Variants in ADSS1 observed in about 807,000 individuals in gnomAD.
The protein encoded by ADSS1 is adenylosuccinate synthetase isozyme 1.
ADSS1 carries 57 observed loss-of-function variants against 59.1 expected under a neutral mutation model. That is an observed-to-expected ratio of 0.97 (90% CI 0.78 to 1.20). ADSS1 has a LOEUF of 1.20. Among genes scored for constraint, ADSS1 ranks in the 50% most tolerant of loss-of-function variants. The pLI is 0.00. For missense variants in ADSS1, 603 were observed against 610.3 expected (o/e 0.99, Z 0.13); for synonymous variants, 247 against 249.4 (o/e 0.99, Z 0.09).
At chr14:104,731,396 A>T (rs1890928003) in intron 1 of ADSS1, among the ~76,000 whole-genome samples, 1 of 152,194 alleles carries the variant, frequency 6.6e-6, no homozygotes, top group Non-Finnish European at 1.5e-5. Context: ...ATGGCAGCTC[A>T]CAGCATGTGG....
At chr14:104,734,884 C>T (rs914271212) in intron 1 of ADSS1, 136 bp from the exon 2 acceptor site, 4 of 688,184 alleles carry the variant, frequency 5.8e-6, no homozygotes, top group Non-Finnish European at 1.0e-5. Flanking sequence ...CGCATCAGAG[C>T]TGGCCACCAA....
At position 104,740,502 on chromosome 14, in the gene ADSS1, C is replaced by T; in HGVS notation, c.477-99C>T. ...GCCAGACACAGGCAGCAATGGTGGGCACTGGAGTCATGAGCCGGCGGGGGT... is the reference window on the plus strand; with the variant it reads ...GCCAGACACAGGCAGCAATGGTGGGTACTGGAGTCATGAGCCGGCGGGGGT... On this transcript the variant is annotated intron_variant, in intron 5 of 12. Coordinates refer to ENST00000330877, the MANE Select transcript of ADSS1 (RefSeq NM_152328.5). The surrounding 1 kb of genome is among the most constrained non-coding windows in gnomAD (Gnocchi z 4.8). The T allele has an allele frequency of 9.8e-7, 1 of 1,020,910 alleles. No homozygotes were observed. Among genetic ancestry groups the T allele is most frequent in the South Asian group, 1.4e-5 (1 of 72,242 alleles). 63.2% of individuals were successfully genotyped at this position (1,020,910 alleles called of 1,614,324 possible). A position where few individuals can be genotyped will look rare whatever the true frequency, so the allele number is the denominator to read the frequency against.
chr14:104,739,844 C>T (rs781372625), intron 5 of ADSS1, 28 bp downstream of exon 5: 26 of 1,612,312 alleles, frequency 1.6e-5, no homozygotes, highest in Middle Eastern at 3.3e-4. Flanking sequence ...CTCTCACCCT[C>T]GGGGAGTCTT....
At chr14:104,730,329 A>G (rs1011617408) in intron 1 of ADSS1, 2 of 1,172,216 alleles carry the variant, frequency 1.7e-6, no homozygotes, top group Admixed American at 6.1e-5. Context: ...GTTTCTACTA[A>G]AAATACAAAA....
intron 2 of ADSS1, 66 bp downstream of exon 2, chr14:104,735,188 C>T (rs563386751): frequency 3.5e-5 from 50 of 1,415,160 alleles, no homozygotes; most frequent in Non-Finnish European, 4.8e-5. Context: ...AGGAGCCCCA[C>T]GCATGGGGGC....
intron 1 of ADSS1, among the ~76,000 whole-genome samples, chr14:104,726,125 G>A (rs868103434): frequency 7.9e-5 from 12 of 152,214 alleles, no homozygotes; most frequent in South Asian, 2.1e-4. Context: ...TATAGCCTGA[G>A]GGAGCCCCTG....
chr14:104,735,481 A>C (rs930808972), intron 2 of ADSS1, among the ~76,000 whole-genome samples: 1 of 152,208 alleles, frequency 6.6e-6, no homozygotes, highest in Non-Finnish European at 1.5e-5. Flanking sequence ...CTCCATGTGC[A>C]TACCTGTGAG....
chr14:104,729,264 CAGCCCCCA>C lies in ADSS1; in HGVS notation c.192+4807_192+4814del, dbSNP rs1396828545. ...TGGCAGGTCAAAGGAGGTCAATGGA[CAGCCCCCA>C]AGCCAGGCAGATGGCAGGTGGCATC... On this transcript the variant is annotated intron_variant, in intron 1 of 12. Transcript: ENST00000330877. Among the ~76,000 whole-genome samples the C allele has an allele frequency of 3.3e-5, 5 of 152,258 alleles. No individual in the cohort carries two copies. The South Asian group carries it at 6.2e-4, about 19-fold the overall frequency.
chr14:104,744,704 G>A, intron 10 of ADSS1, 108 bp from the exon 11 acceptor site: 1 of 1,044,262 alleles, frequency 9.6e-7, no homozygotes. Context: ...CCCAGGGACT[G>A]GGGACCCCTG....
At chr14:104,744,236 T>TC (rs1466583962) in intron 10 of ADSS1, 1 of 152,896 alleles carries the variant, frequency 6.5e-6, no homozygotes, top group African/African-American at 2.4e-5. Flanking sequence ...GGAGCAGGGG[T>TC]CCCGGGGGGC....
At chr14:104,726,646 T>C (rs1416305617) in intron 1 of ADSS1, among the ~76,000 whole-genome samples, 1 of 152,122 alleles carries the variant, frequency 6.6e-6, no homozygotes, top group East Asian at 1.9e-4. Flanking sequence ...TTACTTGGAG[T>C]GTGGATGCCT....
intron 1 of ADSS1, among the ~76,000 whole-genome samples, chr14:104,727,846 G>A (rs1030345758): frequency 6.6e-6 from 1 of 152,204 alleles, no homozygotes. Context: ...GCGCGCCCTG[G>A]TCAGGGTTTA....
chr14:104,746,554 G>T (rs898139663), intron 12 of ADSS1, among the ~76,000 whole-genome samples, 169 bp downstream of exon 12: 1 of 152,210 alleles, frequency 6.6e-6, no homozygotes, highest in South Asian at 2.1e-4. Context: ...GTGTGGCTCC[G>T]GGCTAGGGTG....
intron 1 of ADSS1, among the ~76,000 whole-genome samples, chr14:104,727,342 C>G (rs964582095): frequency 6.6e-6 from 1 of 152,106 alleles, no homozygotes; most frequent in Non-Finnish European, 1.5e-5. Context: ...CCTCACACCT[C>G]GGCTGTCTTT....
rs1247806263 is a variant in ADSS1, at chr14:104,747,305, A to G, written c.*302A>G. ...AGTGTAATAAACATCTCCAATGGCC[A>G]CTGAATGGGAGCAGTTGTTACATGT... is the stretch of plus-strand genomic sequence containing the variant. On this transcript the variant is annotated 3_prime_UTR_variant, in exon 13 of 13. Transcript: ENST00000330877. 1 of 248,542 alleles carries G rather than the reference A, an allele frequency of 4.0e-6. No individual in the cohort carries two copies. The highest frequency in any genetic ancestry group is 2.2e-5 in the African/African-American group (1 of 44,908). 15.4% of individuals were successfully genotyped at this position (248,542 alleles called of 1,614,324 possible).
chr14:104,745,283 A>C (rs963925968), intron 11 of ADSS1: 1 of 213,654 alleles, frequency 4.7e-6, no homozygotes, highest in Non-Finnish European at 9.4e-6. Flanking sequence ...GAAGATGTAA[A>C]GCTCTATGCG....
intron 8 of ADSS1, 68 bp downstream of exon 8, chr14:104,741,311 G>A: frequency 6.6e-7 from 1 of 1,504,286 alleles, no homozygotes; most frequent in Non-Finnish European, 8.9e-7. Context: ...GCTGCGGAGA[G>A]CCGTGGGAAC....
rs769551195 is a variant in ADSS1 at position 104,727,271 on chromosome 14, G to A, written c.192+2809G>A. On this transcript the variant is annotated intron_variant, in intron 1 of 12. Coordinates refer to ENST00000330877, the MANE Select transcript of ADSS1 (RefSeq NM_152328.5). ...CACCTTTAGGACCTGTTTCCTGGGCGGCCTCCCTTCTCCAGGCTGAGCCTA... is the reference window on the plus strand; with the variant it reads ...CACCTTTAGGACCTGTTTCCTGGGCAGCCTCCCTTCTCCAGGCTGAGCCTA... Among the ~76,000 whole-genome samples, 7 of 152,186 alleles carry A rather than the reference G, an allele frequency of 4.6e-5. No homozygotes were observed. The South Asian group carries it at 8.3e-4, about 18-fold the overall frequency.
rs1891300577 is a variant in ADSS1, at chr14:104,740,416, A to G, written c.477-185A>G. ...CATGCACACATCCACCCACAGGCACACACCATACCAGTACATCCATGCTAG... is the reference window on the plus strand; with the variant it reads ...CATGCACACATCCACCCACAGGCACGCACCATACCAGTACATCCATGCTAG... On this transcript the variant is annotated intron_variant, in intron 5 of 12. Transcript: ENST00000330877. This position sits in a 1 kb window ranked among gnomAD's most constrained non-coding sequence, Gnocchi z 4.8. Among the ~76,000 whole-genome samples the G allele has an allele frequency of 6.6e-6, 1 of 152,122 alleles. No homozygotes were observed. The highest frequency in any genetic ancestry group is 2.4e-5 in the African/African-American group (1 of 41,426).
Sources: allele counts gnomAD v4.1 joint callset (sites outside exome capture counted in the v4.1 genomes callset), GRCh38; gene constraint gnomAD v4.1.1; non-coding constraint Gnocchi (gnomAD v3.1); transcripts MANE v1.5; gene names NCBI Gene and HGNC (gene_info 2026-07-23, HGNC 2026-07-21).